Variants in RBMS1 observed in about 807,000 individuals in gnomAD.
RBMS1 encodes RNA-binding motif, single-stranded-interacting protein 1.
In RBMS1, 17 loss-of-function variants were observed where a neutral mutation model predicts 62.3. The ratio of observed to expected loss-of-function variants is 0.27; its 90% CI spans 0.19 to 0.41. RBMS1 has a LOEUF of 0.41. Ranked by LOEUF, RBMS1 falls within the 10% of genes least tolerant of loss-of-function variation. The probability of loss-of-function intolerance (pLI) is 1.00; values close to 1 mark genes in which losing one functional copy is unlikely to be tolerated. For missense variants in RBMS1, 334 were observed against 504.5 expected, an observed-to-expected ratio of 0.66 and a Z score of 3.24; for synonymous variants, 172 against 170.0, an observed-to-expected ratio of 1.01 and a Z score of -0.09.
At chr2:160,448,291 C>T (rs1260236762) in intron 1 of RBMS1, among the ~76,000 whole-genome samples, 7 of 150,688 alleles carry the variant, frequency 4.6e-5, no homozygotes, top group Admixed American at 2.0e-4. Flanking sequence ...CCCCCTCCCC[C>T]TCCCCCTCCC....
chr2:160,448,722 T>C (rs1457558336), intron 1 of RBMS1, among the ~76,000 whole-genome samples: 4 of 152,168 alleles, frequency 2.6e-5, no homozygotes, highest in Non-Finnish European at 2.9e-5. Flanking sequence ...CCAACCCGTC[T>C]GGGAAGTGAG....
intron 1 of RBMS1, among the ~76,000 whole-genome samples, chr2:160,426,878 CATT>C (rs1682655961): frequency 6.6e-6 from 1 of 152,078 alleles, no homozygotes; most frequent in Admixed American, 6.6e-5. Context: ...TGTAAGAAGA[CATT>C]ATAAACAAAG....
rs923808216 is a variant in RBMS1, at chr2:160,493,679, C to T, written c.-316G>A. 5 of 430,302 alleles carry T rather than the reference C, an allele frequency of 1.2e-5. No homozygotes were observed. The highest frequency in any genetic ancestry group is 1.0e-4 in the African/African-American group (5 of 47,762). The allele number at this position is 430,302 out of a possible 1,614,324, so 26.7% of individuals were successfully genotyped here. ...AGTTTCCTCCCGGAGCCCGACTGCTCCGGGGCTGCCAAGGGCTGGCGCGCT... is the reference window on the plus strand; with the variant it reads ...AGTTTCCTCCCGGAGCCCGACTGCTTCGGGGCTGCCAAGGGCTGGCGCGCT... On this transcript the variant is annotated 5_prime_UTR_variant, in exon 1 of 14. Transcript: ENST00000348849.
intron 1 of RBMS1, among the ~76,000 whole-genome samples, chr2:160,441,209 T>G (rs374441712): frequency 6.6e-5 from 10 of 152,228 alleles, no homozygotes; most frequent in African/African-American, 2.4e-4. Context: ...TTGCTTGTTC[T>G]TTTTTTATTG....
At chr2:160,407,437 G>A in intron 1 of RBMS1, 2 of 986,130 alleles carry the variant, frequency 2.0e-6, no homozygotes, top group African/African-American at 1.7e-5. Context: ...CGCCGACCTC[G>A]GCGCGGCATC....
chr2:160,399,819 C>A (rs1045061793), intron 1 of RBMS1, among the ~76,000 whole-genome samples: 1 of 152,064 alleles, frequency 6.6e-6, no homozygotes, highest in Non-Finnish European at 1.5e-5. Context: ...AAAGAAAATG[C>A]TGGACGATAG....
Position 160,281,338 on chromosome 2 carries a change from A to T in RBMS1, c.927T>A (p.Pro309=), listed in dbSNP as rs1574205951. Residue 309 remains proline, a synonymous_variant, in exon 10 of 14, where the codon CCT becomes CCA. Coordinates refer to ENST00000348849, the MANE Select transcript of RBMS1 (RefSeq NM_016836.4). The part of the protein sequence containing the change: ...YQVQSPSWMQ[P]QPYILQHPGA... ...CAGGGTGCTGTAGAATATATGGTTG[A>T]GGTTGCATCCACGAAGGACTTTGCA... 2 of 1,610,354 alleles carry T rather than the reference A, an allele frequency of 1.2e-6. No individual in the cohort carries two copies. Among genetic ancestry groups the T allele is most frequent in the East Asian group, 4.5e-5 (2 of 44,790 alleles).
At chr2:160,318,248 A>AAG (rs1454420743) in intron 2 of RBMS1, 21 bp from the exon 3 acceptor site, 2 of 1,515,740 alleles carry the variant, frequency 1.3e-6, no homozygotes, top group Non-Finnish European at 8.7e-7. Flanking sequence ...AAAAAAAAAA[A>AAG]AAAAGGAAAA....
chr2:160,291,004 T>A (rs1017492021), intron 6 of RBMS1, among the ~76,000 whole-genome samples: 2 of 152,294 alleles, frequency 1.3e-5, no homozygotes, highest in African/African-American at 4.8e-5. Context: ...TGATTTGTGC[T>A]CCAATGTCTT....
chr2:160,308,918 G>A (rs1248473260), intron 4 of RBMS1, among the ~76,000 whole-genome samples: 1 of 152,208 alleles, frequency 6.6e-6, no homozygotes, highest in African/African-American at 2.4e-5. Context: ...AATATTCTAT[G>A]CTGCTTAATA....
chr2:160,372,596 A>G (rs1390702341), intron 1 of RBMS1, among the ~76,000 whole-genome samples: 1 of 152,246 alleles, frequency 6.6e-6, no homozygotes, highest in East Asian at 1.9e-4. Flanking sequence ...TGCTTTCAAG[A>G]TGTAAAAGGA....
chr2:160,331,413 G>T (rs1324697398), intron 2 of RBMS1, among the ~76,000 whole-genome samples: 1 of 152,106 alleles, frequency 6.6e-6, no homozygotes. Flanking sequence ...TCTGCACTCT[G>T]CCCATGGCAT....
At chr2:160,335,457 G>T (rs1490556655) in intron 2 of RBMS1, among the ~76,000 whole-genome samples, 1 of 152,172 alleles carries the variant, frequency 6.6e-6, no homozygotes, top group Non-Finnish European at 1.5e-5. Flanking sequence ...TCAAATTGTT[G>T]TGTGTAAAAA....
intron 1 of RBMS1, among the ~76,000 whole-genome samples, chr2:160,369,273 G>A (rs1048785608): frequency 1.3e-5 from 2 of 152,104 alleles, no homozygotes; most frequent in Non-Finnish European, 2.9e-5. Context: ...TTCTCTAGGG[G>A]CTAACTACTT....
chr2:160,322,063 C>T (rs184056936), intron 2 of RBMS1, among the ~76,000 whole-genome samples: 1 of 152,304 alleles, frequency 6.6e-6, no homozygotes, highest in East Asian at 1.9e-4. Flanking sequence ...AAGGGCATTA[C>T]ATTTGTTGAC....
intron 1 of RBMS1, among the ~76,000 whole-genome samples, chr2:160,399,097 T>C (rs1695306492): frequency 6.6e-6 from 1 of 152,226 alleles, no homozygotes; most frequent in South Asian, 2.1e-4. Context: ...GTTTTCTATC[T>C]TCAAATCTTT....
At chr2:160,474,837 A>G (rs1390926612) in intron 1 of RBMS1, among the ~76,000 whole-genome samples, 2 of 152,222 alleles carry the variant, frequency 1.3e-5, no homozygotes, top group Non-Finnish European at 2.9e-5. Context: ...AAGAATAACC[A>G]GAAAACAAAT....
intron 2 of RBMS1, among the ~76,000 whole-genome samples, chr2:160,342,221 G>A (rs1691910734): frequency 6.6e-6 from 1 of 151,976 alleles, no homozygotes; most frequent in Non-Finnish European, 1.5e-5. Context: ...AATAATCTAA[G>A]CAGCTATTCA....
At chr2:160,350,574 G>T (rs1334599973) in intron 2 of RBMS1, among the ~76,000 whole-genome samples, 1 of 152,064 alleles carries the variant, frequency 6.6e-6, no homozygotes, top group African/African-American at 2.4e-5. Context: ...GGGGAGAGGA[G>T]GAAAAGAAAG....
Sources: gnomAD v4.1 joint callset for allele counts (sites outside exome capture counted in the v4.1 genomes callset) on GRCh38, gnomAD v4.1.1 for gene constraint, MANE v1.5 for transcripts, NCBI Gene and HGNC (gene_info 2026-07-23, HGNC 2026-07-21) for gene names.